Variants in EXOC6 observed in about 807,000 individuals in gnomAD.
EXOC6 encodes SEC15-like 1.
Under a neutral mutation model 112.5 loss-of-function variants are expected in EXOC6, and 60 were observed. The ratio of observed to expected loss-of-function variants is 0.53; its 90% CI spans 0.43 to 0.66. EXOC6 has a LOEUF of 0.66. Among genes scored for constraint, EXOC6 ranks in the 30% least tolerant of loss-of-function variants. The pLI is 0.00. For synonymous variants in EXOC6, 295 were observed against 308.0 expected (o/e 0.96, Z 0.44); for missense variants, 855 against 957.1 (o/e 0.89, Z 1.41).
chr10:92,976,019 G>T (rs535030693), intron 18 of EXOC6, among the ~76,000 whole-genome samples: 1 of 129,434 alleles, frequency 7.7e-6, no homozygotes, highest in South Asian at 2.7e-4. Flanking sequence ...CCTCTGCCCG[G>T]CCAGCCGCCG....
chr10:92,998,796 T>A (rs1273459217), intron 19 of EXOC6, among the ~76,000 whole-genome samples: 1 of 152,184 alleles, frequency 6.6e-6, no homozygotes, highest in Non-Finnish European at 1.5e-5. Flanking sequence ...CATTTTTAAT[T>A]TTCTCTAATT....
chr10:92,924,832 C>T (rs1037749471), intron 8 of EXOC6, among the ~76,000 whole-genome samples: 17 of 152,262 alleles, frequency 1.1e-4, no homozygotes, highest in East Asian at 3.9e-4. Flanking sequence ...CTTCACCCCA[C>T]TTCTGAATCT....
At chr10:92,943,055 A>C (rs1377006945) in intron 13 of EXOC6, among the ~76,000 whole-genome samples, 7 of 147,540 alleles carry the variant, frequency 4.7e-5, no homozygotes, top group Non-Finnish European at 1.0e-4. Flanking sequence ...GGAGTCTTGC[A>C]CTGTCACCTG....
chr10:93,052,848 A>G (rs1590119306), intron 20 of EXOC6, among the ~76,000 whole-genome samples: 1 of 152,066 alleles, frequency 6.6e-6, no homozygotes, highest in Non-Finnish European at 1.5e-5. Context: ...GTTTTTGTTC[A>G]TGTTTGATCT....
rs565000470 is a variant in EXOC6, at chr10:93,051,446, G to A, written c.2170-5478G>A. On this transcript the variant is annotated intron_variant, in intron 20 of 21. Transcript: ENST00000260762. ...ATCAGATCCAGAAGGTAGCATGAAG[G>A]CAGTTAACACCTGAAGGCAAAAAAG... Among the ~76,000 whole-genome samples the A allele has an allele frequency of 1.2e-4, 18 of 152,296 alleles. 1 individual carries two copies. In the South Asian group the frequency reaches 3.5e-3, roughly 30 times the overall value.
At chr10:93,024,263 C>G (rs1844916385) in intron 20 of EXOC6, among the ~76,000 whole-genome samples, 1 of 152,036 alleles carries the variant, frequency 6.6e-6, no homozygotes, top group African/African-American at 2.4e-5. Context: ...CAATCCTTTG[C>G]CCAAAGAATG....
intron 17 of EXOC6, among the ~76,000 whole-genome samples, chr10:92,966,649 T>C (rs572626124): frequency 2.3e-4 from 34 of 150,434 alleles, no homozygotes; most frequent in African/African-American, 8.1e-4. Flanking sequence ...TAGTATTCCA[T>C]GATGTATATG....
At chr10:93,046,337 C>A (rs1845999913) in intron 20 of EXOC6, among the ~76,000 whole-genome samples, 1 of 152,180 alleles carries the variant, frequency 6.6e-6, no homozygotes, top group Non-Finnish European at 1.5e-5. Flanking sequence ...ATATTTGATT[C>A]TTTGGTGGAT....
At chr10:92,937,617 G>C (rs966767009) in intron 12 of EXOC6, among the ~76,000 whole-genome samples, 9 of 152,040 alleles carry the variant, frequency 5.9e-5, no homozygotes, top group African/African-American at 2.2e-4. Flanking sequence ...GGGATAAGGT[G>C]GGATTTTTTG....
intron 1 of EXOC6, among the ~76,000 whole-genome samples, chr10:92,874,930 G>C (rs1200938035): frequency 1.3e-5 from 2 of 152,176 alleles, no homozygotes; most frequent in East Asian, 3.8e-4. Context: ...AAATTCCTGA[G>C]AGTGTATCAG....
chr10:93,025,044 A>G (rs1374565878), intron 20 of EXOC6, among the ~76,000 whole-genome samples: 1 of 152,252 alleles, frequency 6.6e-6, no homozygotes, highest in Non-Finnish European at 1.5e-5. Context: ...GACAGGAGAC[A>G]GAATCAAAGT....
intron 20 of EXOC6, among the ~76,000 whole-genome samples, chr10:93,022,124 T>C (rs1844820740): frequency 6.6e-6 from 1 of 152,214 alleles, no homozygotes; most frequent in East Asian, 1.9e-4. Context: ...GAATCGTTAC[T>C]AAGACATACT....
intron 1 of EXOC6, among the ~76,000 whole-genome samples, chr10:92,850,754 A>T (rs904299371): frequency 6.6e-6 from 1 of 152,182 alleles, no homozygotes; most frequent in Non-Finnish European, 1.5e-5. Flanking sequence ...ATATTTTAGT[A>T]TTAAGATTAA....
At chr10:92,914,078 T>G (rs1455036231) in intron 6 of EXOC6, among the ~76,000 whole-genome samples, 1 of 152,186 alleles carries the variant, frequency 6.6e-6, no homozygotes, top group Admixed American at 6.5e-5. Context: ...GTCTGTGGCC[T>G]TTAGGAACCA....
At chr10:92,884,808 A>G (rs955674790) in intron 1 of EXOC6, among the ~76,000 whole-genome samples, 1 of 152,218 alleles carries the variant, frequency 6.6e-6, no homozygotes, top group African/African-American at 2.4e-5. Flanking sequence ...CAAAAAATAT[A>G]TAAAAAGTGA....
chr10:93,043,577 G>A (rs1464993219), intron 20 of EXOC6, among the ~76,000 whole-genome samples: 6 of 152,212 alleles, frequency 3.9e-5, no homozygotes, highest in African/African-American at 1.4e-4. Context: ...CCTAGTGTAA[G>A]ATGATTATGC....
chr10:93,033,133 T>C (rs2134299724), intron 20 of EXOC6, among the ~76,000 whole-genome samples: 1 of 152,032 alleles, frequency 6.6e-6, no homozygotes, highest in Middle Eastern at 3.4e-3. Flanking sequence ...CATTCAAGGG[T>C]TTCAAGCAGG....
At chr10:93,022,142 A>T (rs951023882) in intron 20 of EXOC6, among the ~76,000 whole-genome samples, 2 of 152,234 alleles carry the variant, frequency 1.3e-5, no homozygotes, top group African/African-American at 2.4e-5. Flanking sequence ...ACTTATAAAT[A>T]TTAATAAACA....
chr10:92,975,475 G>T (rs1218550366), intron 18 of EXOC6, among the ~76,000 whole-genome samples: 2 of 138,942 alleles, frequency 1.4e-5, no homozygotes, highest in African/African-American at 5.3e-5. Context: ...GGAGGGAGGT[G>T]GGGGGGGTCA....
Sources: allele counts gnomAD v4.1 joint callset (sites outside exome capture counted in the v4.1 genomes callset), GRCh38; gene constraint gnomAD v4.1.1; transcripts MANE v1.5; gene names NCBI Gene and HGNC (gene_info 2026-07-23, HGNC 2026-07-21).